The following UVRAG variants were observed in gnomAD, a reference collection of about 807,000 sequenced individuals.
UVRAG encodes the protein UV radiation resistance-associated gene protein.
A neutral mutation model predicts 78.0 loss-of-function variants in UVRAG; 19 were observed. That is an observed-to-expected ratio of 0.24 (90% CI 0.17 to 0.36). UVRAG has a LOEUF of 0.36. Among genes scored for constraint, UVRAG ranks in the 10% least tolerant of loss-of-function variants. The pLI is 1.00. For missense variants in UVRAG, 740 were observed against 853.8 expected (o/e 0.87, Z 1.66); for synonymous variants, 323 against 324.6 (o/e 1.00, Z 0.05).
chr11:75,967,070 C>T (rs1169525262), intron 7 of UVRAG, among the ~76,000 whole-genome samples: 2 of 152,196 alleles, frequency 1.3e-5, no homozygotes, highest in Non-Finnish European at 2.9e-5. Flanking sequence ...AGGGGAATTT[C>T]ATTTTATTGG....
chr11:76,065,978 A>G (rs187862400), intron 13 of UVRAG, among the ~76,000 whole-genome samples, 190 bp downstream of exon 13: 10 of 152,342 alleles, frequency 6.6e-5, no homozygotes, highest in East Asian at 1.9e-4. Flanking sequence ...CAGAGAAGCA[A>G]TGAATACAAA....
intron 12 of UVRAG, among the ~76,000 whole-genome samples, chr11:76,065,299 T>C (rs572268008): frequency 5.9e-5 from 9 of 152,368 alleles, no homozygotes; most frequent in Admixed American, 1.3e-4. Flanking sequence ...CTTCTAAGTC[T>C]GATTTCTTTT....
chr11:76,002,811 C>G (rs1477994425), intron 8 of UVRAG, among the ~76,000 whole-genome samples: 3 of 152,200 alleles, frequency 2.0e-5, no homozygotes, highest in Non-Finnish European at 4.4e-5. Flanking sequence ...CACTGTAGCT[C>G]ACACCTGTAG....
chr11:76,032,598 C>T (rs1045126008), intron 12 of UVRAG, among the ~76,000 whole-genome samples: 2 of 152,154 alleles, frequency 1.3e-5, no homozygotes, highest in Admixed American at 6.5e-5. Context: ...CATCAGGATG[C>T]ACAGCAAGTC....
intron 9 of UVRAG, 47 bp downstream of exon 9, chr11:76,004,136 G>C: frequency 6.4e-7 from 1 of 1,569,766 alleles, no homozygotes; most frequent in Non-Finnish European, 8.8e-7. Context: ...AGTTTACTGC[G>C]AGGATAGATT....
At chr11:75,877,104 C>T (rs951157424) in intron 3 of UVRAG, among the ~76,000 whole-genome samples, 4 of 151,586 alleles carry the variant, frequency 2.6e-5, no homozygotes, top group African/African-American at 9.7e-5. Flanking sequence ...TCTTGCACCG[C>T]CCTTAATCCA....
At chr11:76,100,297 A>G (rs1033503220) in intron 13 of UVRAG, among the ~76,000 whole-genome samples, 1 of 152,110 alleles carries the variant, frequency 6.6e-6, no homozygotes. Context: ...GTGTGTCCTA[A>G]TATGTTTAAT....
rs114339909 is a variant in UVRAG, at chr11:75,874,243, C to G, written c.271-5636C>G. On this transcript the variant is annotated intron_variant, in intron 3 of 14. Transcript: ENST00000356136. The stretch of plus-strand genomic sequence containing the variant: ...CTTTAGCCCGCCTTTGTTCTAAATT[C>G]TGTCTTTTGTAATTTGGTAGAAAGA... Among the ~76,000 whole-genome samples the G allele has an allele frequency of 4.5e-3, 677 of 151,578 alleles. 5 individuals carry two copies. Among genetic ancestry groups the G allele is most frequent in the African/African-American group, 0.015 (637 of 41,248 alleles).
chr11:75,949,714 T>TATATATATATATATACACAC (rs59607906), intron 6 of UVRAG, among the ~76,000 whole-genome samples: 2 of 136,870 alleles, frequency 1.5e-5, no homozygotes, highest in African/African-American at 5.8e-5. Flanking sequence ...TATATATATA[T>TATATATATATATATACACAC]ACACACACAC....
rs371210619 is a variant in UVRAG, at chr11:75,891,036, G to A, written c.507+2133G>A. On this transcript the variant is annotated intron_variant, in intron 5 of 14. Coordinates refer to ENST00000356136, the MANE Select transcript of UVRAG (RefSeq NM_003369.4). ...GCCCATTGGATTTAGCAAAATGGAA[G>A]TTATTCAAGTGACTTCTTCAAAATT... Among the ~76,000 whole-genome samples the A allele has an allele frequency of 4.6e-5, 7 of 152,254 alleles. No homozygotes were observed. In the South Asian group the frequency reaches 1.5e-3, roughly 32 times the overall value.
rs17134483 is a variant in UVRAG at position 75,963,670 on chromosome 11, A to G, written c.699+2121A>G. On this transcript the variant is annotated intron_variant, in intron 7 of 14. Transcript: ENST00000356136. Reference sequence around the variant, plus strand: ...TTACCTTCCAAGACCATATATGATTAACTGTGTTATAAGAAATTGGGTTCA... The same window carrying G: ...TTACCTTCCAAGACCATATATGATTGACTGTGTTATAAGAAATTGGGTTCA... Among the ~76,000 whole-genome samples the G allele has an allele frequency of 4.0e-3, 611 of 152,354 alleles. 10 individuals carry two copies. The highest frequency in any genetic ancestry group is 0.021 in the East Asian group (109 of 5,190).
intron 8 of UVRAG, among the ~76,000 whole-genome samples, chr11:75,986,791 A>G (rs953582142): frequency 2.7e-5 from 4 of 146,690 alleles, no homozygotes; most frequent in African/African-American, 1.0e-4. Flanking sequence ...CTAAGTAACC[A>G]CCCCCCTACC....
chr11:76,014,989 C>T (rs1950120775), intron 11 of UVRAG, among the ~76,000 whole-genome samples: 5 of 152,108 alleles, frequency 3.3e-5, no homozygotes, highest in Admixed American at 3.3e-4. Context: ...GAGCATGACT[C>T]AGTAGTTGGT....
chr11:76,116,026 T>G lies in UVRAG; in HGVS notation c.1397+11T>G. 1 of 1,611,024 alleles carries G rather than the reference T, an allele frequency of 6.2e-7. No individual in the cohort carries two copies. Among genetic ancestry groups the G allele is most frequent in the East Asian group, 2.2e-5 (1 of 44,850 alleles). ...ACTAATGGTCAGGTGGTGAGTACCT[T>G]TATCTCTGATAACCAGAAACTGTAA... On this transcript the variant is annotated intron_variant, in intron 14 of 14. Coordinates refer to ENST00000356136, the MANE Select transcript of UVRAG (RefSeq NM_003369.4).
chr11:75,858,970 A>G (rs1946354773), intron 2 of UVRAG, among the ~76,000 whole-genome samples: 1 of 152,170 alleles, frequency 6.6e-6, no homozygotes, highest in Non-Finnish European at 1.5e-5. Context: ...CTTGAAACAT[A>G]CTCTGCAATC....
At chr11:76,067,623 T>G (rs1022578920) in intron 13 of UVRAG, among the ~76,000 whole-genome samples, 1 of 151,986 alleles carries the variant, frequency 6.6e-6, no homozygotes, top group Non-Finnish European at 1.5e-5. Flanking sequence ...CCAGGTGTGG[T>G]GGCATGCACC....
intron 3 of UVRAG, among the ~76,000 whole-genome samples, chr11:75,862,982 G>C (rs969126376): frequency 2.0e-5 from 3 of 152,204 alleles, no homozygotes; most frequent in African/African-American, 7.2e-5. Context: ...AGAACAACCT[G>C]TAAAGTAGAT....
intron 7 of UVRAG, among the ~76,000 whole-genome samples, chr11:75,976,352 G>C (rs1949239934): frequency 6.6e-6 from 1 of 152,190 alleles, no homozygotes; most frequent in Admixed American, 6.5e-5. Flanking sequence ...TCTCTGCCAG[G>C]CTTTGGTATC....
chr11:75,992,388 A>G (rs17134495), intron 8 of UVRAG, among the ~76,000 whole-genome samples: 2,908 of 152,196 alleles, frequency 0.019, 92 homozygotes, highest in African/African-American at 0.067. Flanking sequence ...TTGAAGTGCC[A>G]TTTTCTCACT....
Sources: allele counts gnomAD v4.1 joint callset (sites outside exome capture counted in the v4.1 genomes callset), GRCh38; gene constraint gnomAD v4.1.1; transcripts MANE v1.5; gene names NCBI Gene and HGNC (gene_info 2026-07-23, HGNC 2026-07-21).